ADGRD1: variants seen among roughly 807,000 people sequenced by gnomAD.
The protein encoded by ADGRD1 is adhesion G protein-coupled receptor D1, also known as G-protein coupled receptor 133.
In ADGRD1, 77 loss-of-function variants were observed where a neutral mutation model predicts 113.4. The observed-to-expected ratio is 0.68, with a 90% CI of 0.57 to 0.82. The LOEUF (loss-of-function observed/expected upper bound fraction) is 0.82, where lower values mean the gene tolerates loss of function less well. Ranked by LOEUF, ADGRD1 falls within the 40% of genes least tolerant of loss-of-function variation. The pLI is 0.00. For synonymous variants in ADGRD1, 474 were observed against 475.0 expected (o/e 1.00, Z 0.03); for missense variants, 1,036 against 1,139.1 (o/e 0.91, Z 1.30).
chr12:131,012,116 T>C (rs1877997887), intron 12 of ADGRD1, among the ~76,000 whole-genome samples: 1 of 151,492 alleles, frequency 6.6e-6, no homozygotes, highest in African/African-American at 2.4e-5. Flanking sequence ...CTCTGCAGAG[T>C]GGAATGTTTA....
At chr12:131,046,658 T>G (rs1180630490) in intron 13 of ADGRD1, among the ~76,000 whole-genome samples, 90 of 124,044 alleles carry the variant, frequency 7.3e-4, no homozygotes, top group African/African-American at 2.9e-3. Flanking sequence ...CCCTCCCTGG[T>G]CAGTGTCCTC....
chr12:131,095,183 C>G (rs888844488), intron 15 of ADGRD1, among the ~76,000 whole-genome samples: 1 of 152,232 alleles, frequency 6.6e-6, no homozygotes, highest in Admixed American at 6.5e-5. Flanking sequence ...AGGTAAAAAC[C>G]TGCACTTCGA....
At chr12:131,091,672 C>T (rs887364498) in intron 15 of ADGRD1, among the ~76,000 whole-genome samples, 9 of 152,048 alleles carry the variant, frequency 5.9e-5, no homozygotes, top group South Asian at 2.1e-4. Flanking sequence ...CAGAAAGGCA[C>T]GGGCAGTGCA....
intron 15 of ADGRD1, among the ~76,000 whole-genome samples, chr12:131,090,156 G>A (rs1426938207): frequency 6.6e-6 from 1 of 152,082 alleles, no homozygotes; most frequent in Non-Finnish European, 1.5e-5. Flanking sequence ...TGTCTTCGTG[G>A]GAGCAAATCG....
rs371823726 is a variant in ADGRD1, at chr12:131,000,747, C to CAAA, written c.1026+321_1026+323dup. Among the ~76,000 whole-genome samples the CAAA allele has an allele frequency of 5.1e-3, 572 of 112,632 alleles. 8 individuals carry two copies. Among genetic ancestry groups the CAAA allele is most frequent in the African/African-American group, 0.017 (530 of 30,610 alleles). The allele number at this position is 112,632 out of a possible 152,430, so 73.9% of individuals were successfully genotyped here. The stretch of plus-strand genomic sequence containing the variant: ...CAGAGTGAGACTCTGTCTCAAAAAA[C>CAAA]AAAAAAAAAAAAAAAAAAGAGAGAG... On this transcript the variant is annotated intron_variant, in intron 9 of 24. Transcript: ENST00000261654.
chr12:131,132,646 C>A (rs1462848261), intron 21 of ADGRD1, among the ~76,000 whole-genome samples: 1 of 152,218 alleles, frequency 6.6e-6, no homozygotes, highest in African/African-American at 2.4e-5. Flanking sequence ...CCCTGTCCCA[C>A]CTGCTGAGAC....
rs922363241 is a variant in ADGRD1, at chr12:130,966,918, C to A, written c.187+372C>A. 6.8e-6 allele frequency: 3 copies of A among 440,420 alleles called. No individual in the cohort carries two copies. Among genetic ancestry groups the A allele is most frequent in the African/African-American group, 2.0e-5 (1 of 50,080 alleles). The allele number at this position is 440,420 out of a possible 1,614,324, so 27.3% of individuals were successfully genotyped here. On this transcript the variant is annotated intron_variant, in intron 3 of 24. Coordinates refer to ENST00000261654, the MANE Select transcript of ADGRD1 (RefSeq NM_198827.5). This position sits in a 1 kb window ranked among gnomAD's most constrained non-coding sequence, Gnocchi z 4.6. The stretch of plus-strand genomic sequence containing the variant: ...TACAGGCGTGAGCCACTGTGCCAGG[C>A]CACGAAGCATTTTACTAGAATTTTT...
Position 131,075,463 on chromosome 12 carries a change from C to A in ADGRD1, c.1474-1338C>A, listed in dbSNP as rs532765905. ...CAGAGGAGAAGATGTCTTTTCCAGG[C>A]GGTTTTAAGAGACCCTGTGATGGAT... On this transcript the variant is annotated intron_variant, in intron 13 of 24. Transcript: ENST00000261654. This position sits in a 1 kb window ranked among gnomAD's most constrained non-coding sequence, Gnocchi z 5.3. Among the ~76,000 whole-genome samples, 1 of 152,104 alleles carries A rather than the reference C, an allele frequency of 6.6e-6. No homozygotes were observed. The highest frequency in any genetic ancestry group is 1.5e-5 in the Non-Finnish European group (1 of 68,030).
intron 13 of ADGRD1, among the ~76,000 whole-genome samples, chr12:131,072,587 G>A (rs896333316): frequency 5.3e-5 from 8 of 152,206 alleles, no homozygotes; most frequent in East Asian, 3.9e-4. Flanking sequence ...AAATAAGGAC[G>A]TGCACATGTC....
In ADGRD1 at chr12:130,966,738, G is replaced by T; in HGVS notation, c.187+192G>T. ...TGGACACAATCTGCTTTGAAGCCAC[G>T]GTGATAGAGATGAACAAATACTTGT... On this transcript the variant is annotated intron_variant, in intron 3 of 24. Coordinates refer to ENST00000261654, the MANE Select transcript of ADGRD1 (RefSeq NM_198827.5). This position sits in a 1 kb window ranked among gnomAD's most constrained non-coding sequence, Gnocchi z 4.6. 1 of 588,174 alleles carries T rather than the reference G, an allele frequency of 1.7e-6. No homozygotes were observed. The highest frequency in any genetic ancestry group is 3.0e-6 in the Non-Finnish European group (1 of 328,188). 36.4% of individuals were successfully genotyped at this position (588,174 alleles called of 1,614,324 possible). A position where few individuals can be genotyped will look rare whatever the true frequency, so the allele number is the denominator to read the frequency against.
rs1257425775 is a variant in ADGRD1 at position 130,966,426 on chromosome 12, AATG to A, written c.104-31_104-29del. On this transcript the variant is annotated intron_variant, in intron 2 of 24. Coordinates refer to ENST00000261654, the MANE Select transcript of ADGRD1 (RefSeq NM_198827.5). The surrounding 1 kb of genome is among the most constrained non-coding windows in gnomAD (Gnocchi z 4.6). ...CTTACCCTCTGGTTCTTTCCTCTCT[AATG>A]ATGATTTAAAATTTTTATTCTTTTT... 7.5e-7 allele frequency: 1 copy of A among 1,341,632 alleles called. No homozygotes were observed. Among genetic ancestry groups the A allele is most frequent in the Non-Finnish European group, 1.1e-6 (1 of 932,386 alleles). 83.1% of individuals were successfully genotyped at this position (1,341,632 alleles called of 1,614,324 possible).
At position 131,082,953 on chromosome 12, in the gene ADGRD1, T is replaced by C. The variant is rs565618112; in HGVS notation, c.1548-1587T>C. Among the ~76,000 whole-genome samples the C allele has an allele frequency of 2.3e-4, 35 of 152,302 alleles. No individual in the cohort carries two copies. In the East Asian group the frequency reaches 5.0e-3, roughly 22 times the overall value. The stretch of plus-strand genomic sequence containing the variant: ...CCCCTGGGTCATGTCGGAAAGACCG[T>C]CCCAACCCCTCCCTCGCGCTCCACG... On this transcript the variant is annotated intron_variant, in intron 14 of 24. Transcript: ENST00000261654.
intron 18 of ADGRD1, among the ~76,000 whole-genome samples, chr12:131,111,954 C>T (rs10848287): frequency 0.22 from 33,740 of 151,972 alleles, 4,553 homozygotes; most frequent in South Asian, 0.39. Flanking sequence ...AGGCAGTTTC[C>T]ATTGCCTGGA....
At chr12:131,088,392 A>G (rs1886647816) in intron 15 of ADGRD1, among the ~76,000 whole-genome samples, 1 of 152,204 alleles carries the variant, frequency 6.6e-6, no homozygotes, top group Non-Finnish European at 1.5e-5. Flanking sequence ...CACGCGGGAG[A>G]TCATGTCGGA....
intron 12 of ADGRD1, 145 bp from the exon 13 acceptor site, chr12:131,014,054 G>C: frequency 1.3e-6 from 1 of 753,764 alleles, no homozygotes; most frequent in Non-Finnish European, 2.1e-6. Flanking sequence ...AGCAGCGGGA[G>C]CTGAATGAAA....
intron 13 of ADGRD1, chr12:131,035,306 A>G (rs1371485856): frequency 6.6e-6 from 1 of 152,242 alleles, no homozygotes; most frequent in Non-Finnish European, 1.5e-5. Context: ...AGAGTGCACA[A>G]TTGCCTCTCC....
chr12:131,123,745 C>T (rs953041571), intron 20 of ADGRD1, among the ~76,000 whole-genome samples: 1 of 151,768 alleles, frequency 6.6e-6, no homozygotes, highest in Non-Finnish European at 1.5e-5. Flanking sequence ...TGGCGTGAAC[C>T]CGGGAGGCGG....
intron 6 of ADGRD1, chr12:130,989,153 G>T (rs1173366585): frequency 6.6e-6 from 1 of 152,012 alleles, no homozygotes; most frequent in African/African-American, 2.4e-5. Flanking sequence ...TCCTTCAGAA[G>T]AAAAAAATGG....
intron 9 of ADGRD1, 22 bp downstream of exon 9, chr12:131,000,464 G>C: frequency 6.3e-7 from 1 of 1,588,756 alleles, no homozygotes; most frequent in Non-Finnish European, 8.6e-7. Context: ...GAACATGGTC[G>C]GTCATGGTGG....
Sources: allele counts gnomAD v4.1 joint callset (sites outside exome capture counted in the v4.1 genomes callset), GRCh38; gene constraint gnomAD v4.1.1; non-coding constraint Gnocchi (gnomAD v3.1); transcripts MANE v1.5; gene names NCBI Gene and HGNC (gene_info 2026-07-23, HGNC 2026-07-21).